Variants in GRAMD4 observed in about 807,000 individuals in gnomAD.
GRAMD4 encodes the protein GRAM domain-containing protein 4.
GRAMD4 carries 25 observed loss-of-function variants against 83.9 expected under a neutral mutation model. That is an observed-to-expected ratio of 0.30 (90% confidence interval 0.22 to 0.42). The LOEUF (loss-of-function observed/expected upper bound fraction) is 0.42, where lower values mean the gene tolerates loss of function less well. Among genes scored for constraint, GRAMD4 ranks in the 10% least tolerant of loss-of-function variants. The probability of loss-of-function intolerance (pLI) is 1.00; values close to 1 mark genes in which losing one functional copy is unlikely to be tolerated. For synonymous variants in GRAMD4, 336 were observed against 320.9 expected, an observed-to-expected ratio of 1.05 and a Z score of -0.50; for missense variants, 593 against 788.7, an observed-to-expected ratio of 0.75 and a Z score of 2.97.
At chr22:46,612,754 A>C (rs2081430348) in intron 1 of GRAMD4, among the ~76,000 whole-genome samples, 1 of 152,200 alleles carries the variant, frequency 6.6e-6, no homozygotes, top group Non-Finnish European at 1.5e-5. Flanking sequence ...ATGGGAGCAG[A>C]GGGTGTGGGC....
rs143970726 is a variant in GRAMD4 at position 46,664,128 on chromosome 22, C to A, written c.717+11C>A. ...GCCATTGCCTTCACCGTGAGTGGGT[C>A]CTCCAGGGGCCGAGCAGGGTGGGTG... On this transcript the variant is annotated intron_variant, in intron 8 of 18. Coordinates refer to ENST00000406902, the MANE Select transcript of GRAMD4 (RefSeq NM_015124.5). 421 of 1,585,744 alleles carry A rather than the reference C, an allele frequency of 2.7e-4. 3 individuals are homozygous for A. The East Asian group carries it at 5.3e-3, about 20-fold the overall frequency.
At chr22:46,660,352 G>A (rs563831778) in intron 4 of GRAMD4, among the ~76,000 whole-genome samples, 2 of 152,120 alleles carry the variant, frequency 1.3e-5, no homozygotes, top group Non-Finnish European at 2.9e-5. Flanking sequence ...AGGAGGAGGG[G>A]TGAAGGAAGA....
intron 3 of GRAMD4, among the ~76,000 whole-genome samples, chr22:46,654,128 G>T (rs936424495): frequency 6.8e-6 from 1 of 146,180 alleles, no homozygotes; most frequent in Non-Finnish European, 1.5e-5. Context: ...CGAAAGAGGG[G>T]CCAGGAGGCT....
rs998698483 is a variant in GRAMD4, at chr22:46,627,646, T to C, written c.162+685T>C. On this transcript the variant is annotated intron_variant, in intron 2 of 18. Coordinates refer to ENST00000406902, the MANE Select transcript of GRAMD4 (RefSeq NM_015124.5). Reference sequence around the variant, plus strand: ...GCATGGCCTCTAGCTCCTCCCCGCATGCACACACCAAATTTGGTGTCTGGC... The same window carrying C: ...GCATGGCCTCTAGCTCCTCCCCGCACGCACACACCAAATTTGGTGTCTGGC... Among the ~76,000 whole-genome samples, 3 of 152,218 alleles carry C rather than the reference T, an allele frequency of 2.0e-5. No homozygotes were observed. The South Asian group carries it at 6.2e-4, about 32-fold the overall frequency.
rs1293374687 is a variant in GRAMD4 at position 46,622,763 on chromosome 22, A to G, written c.-50+2198A>G. ...TCCGTCTCTACTAAAAATACAAAAA[A>G]TTAGCTGGTGTGGTGGCGGGTGCCT... On this transcript the variant is annotated intron_variant, in intron 1 of 18. Transcript: ENST00000406902. This position sits in a 1 kb window ranked among gnomAD's most constrained non-coding sequence, Gnocchi z 4.0. 6.6e-6 allele frequency among the ~76,000 whole-genome samples: 1 copy of G among 152,056 alleles called. No homozygotes were observed. The highest frequency in any genetic ancestry group is 2.4e-5 in the African/African-American group (1 of 41,392).
chr22:46,679,195 A>G lies in GRAMD4; in HGVS notation c.*1944A>G, dbSNP rs1601698468. On this transcript the variant is annotated 3_prime_UTR_variant, in exon 19 of 19. Transcript: ENST00000406902. ...GGATGGGTCCGGGGCCTCGGGGCCAATGAGCGCCTCTTCCTAGGTGCTGGG... is the reference window on the plus strand; with the variant it reads ...GGATGGGTCCGGGGCCTCGGGGCCAGTGAGCGCCTCTTCCTAGGTGCTGGG... 2 of 977,438 alleles carry G rather than the reference A, an allele frequency of 2.0e-6. No homozygotes were observed. Among genetic ancestry groups the G allele is most frequent in the Non-Finnish European group, 2.4e-6 (2 of 822,164 alleles). 60.5% of individuals were successfully genotyped at this position (977,438 alleles called of 1,614,324 possible).
intron 1 of GRAMD4, among the ~76,000 whole-genome samples, chr22:46,612,929 C>T (rs747539592): frequency 6.6e-6 from 1 of 152,238 alleles, no homozygotes; most frequent in Non-Finnish European, 1.5e-5. Context: ...CCCACAGCCC[C>T]TGCTCACCCA....
chr22:46,616,044 T>TC (rs2081484936), upstream of GRAMD4, among the ~76,000 whole-genome samples: 1 of 121,216 alleles, frequency 8.2e-6, no homozygotes, highest in Non-Finnish European at 1.7e-5. Flanking sequence ...ATGTGTAGGT[T>TC]CCCCTGTGCG....
intron 2 of GRAMD4, among the ~76,000 whole-genome samples, chr22:46,637,610 C>G (rs1215203665): frequency 6.6e-6 from 1 of 152,198 alleles, no homozygotes; most frequent in Non-Finnish European, 1.5e-5. Context: ...CTGAGATGTC[C>G]CTGCTCCCCA....
At chr22:46,682,187 C>T (rs1300122800), downstream of GRAMD4, among the ~76,000 whole-genome samples, 1 of 152,200 alleles carries the variant, frequency 6.6e-6, no homozygotes, top group Non-Finnish European at 1.5e-5. Context: ...AGAGGGGCAG[C>T]TGGGGTGGGG....
intron 13 of GRAMD4, 118 bp downstream of exon 13, chr22:46,669,026 T>G: frequency 1.6e-6 from 1 of 637,886 alleles, no homozygotes; most frequent in East Asian, 2.7e-5. Flanking sequence ...ATCCTTCCTC[T>G]GCTTTTTGTC....
intron 2 of GRAMD4, among the ~76,000 whole-genome samples, chr22:46,628,639 C>CT (rs1343333838): frequency 6.6e-6 from 1 of 151,406 alleles, no homozygotes; most frequent in African/African-American, 2.4e-5. Context: ...GCGTTGGTGT[C>CT]TGAGGGGCAG....
chr22:46,621,919 G>A lies in GRAMD4; in HGVS notation c.-50+1354G>A, dbSNP rs1295226027. Among the ~76,000 whole-genome samples, 2 of 152,204 alleles carry A rather than the reference G, an allele frequency of 1.3e-5. No homozygotes were observed. The highest frequency in any genetic ancestry group is 4.1e-4 in the South Asian group (2 of 4,836). The stretch of plus-strand genomic sequence containing the variant: ...ATGGACCCAGGGAGTTGGGTGAGGA[G>A]GGTGGTGGAGTCAGTGGGGCTGAGA... On this transcript the variant is annotated intron_variant, in intron 1 of 18. Transcript: ENST00000406902. The surrounding 1 kb of genome is among the most constrained non-coding windows in gnomAD (Gnocchi z 5.8).
chr22:46,674,829 T>A, intron 16 of GRAMD4, 79 bp downstream of exon 16: 1 of 1,027,632 alleles, frequency 9.7e-7, no homozygotes, highest in South Asian at 1.3e-5. Flanking sequence ...ATGGCGTGGC[T>A]GGCCCAGTGC....
At chr22:46,616,922 GCGTA>G (rs2081508733), upstream of GRAMD4, among the ~76,000 whole-genome samples, 1 of 32,018 alleles carries the variant, frequency 3.1e-5, no homozygotes, top group Non-Finnish European at 6.5e-5. Context: ...GTTCCCCTGT[GCGTA>G]TAGGTTCCCC....
Position 46,661,493 on chromosome 22 carries a change from G to C in GRAMD4, c.466+51G>C, listed in dbSNP as rs534088048. On this transcript the variant is annotated intron_variant, in intron 5 of 18. Transcript: ENST00000406902. ...GGCAGGCGGGCGGGTGGGTGGCTGC[G>C]CGTCACCTGCTGGTTCTGTAGGCCC... The C allele has an allele frequency of 9.0e-6, 11 of 1,227,354 alleles. No homozygotes were observed. In the African/African-American group the frequency reaches 1.3e-4, roughly 15 times the overall value. The allele number at this position is 1,227,354 out of a possible 1,614,324, so 76.0% of individuals were successfully genotyped here.
At chr22:46,607,875 C>T (rs2081380586) in intron 1 of GRAMD4, among the ~76,000 whole-genome samples, 1 of 152,206 alleles carries the variant, frequency 6.6e-6, no homozygotes, top group African/African-American at 2.4e-5. Context: ...GCGACCTGTC[C>T]TTCATGCCCT....
In GRAMD4 at chr22:46,664,045, C is replaced by T. The variant is rs753226657; in HGVS notation, c.645C>T (p.Val215=). 2 of 1,613,328 alleles carry T rather than the reference C, an allele frequency of 1.2e-6. No individual in the cohort carries two copies. Among genetic ancestry groups the T allele is most frequent in the Admixed American group, 3.3e-5 (2 of 60,008 alleles). Residue 215 remains valine, a synonymous_variant, in exon 8 of 19, where the codon GTC becomes GTT. Coordinates refer to ENST00000406902, the MANE Select transcript of GRAMD4 (RefSeq NM_015124.5). ...MRRLKRGAKP[V]TNFVKNLSAL... ...CCCCAGAGCGCGGTGCCAAGCCGGT[C>T]ACTAACTTTGTGAAGAACCTCTCTG...
At chr22:46,603,317 C>T (rs1319480231) in intron 1 of GRAMD4, among the ~76,000 whole-genome samples, 2 of 149,464 alleles carry the variant, frequency 1.3e-5, no homozygotes, top group African/African-American at 2.5e-5. Context: ...ACACCATTCT[C>T]CTGCCTCAGC....
Sources: allele counts gnomAD v4.1 joint callset (sites outside exome capture counted in the v4.1 genomes callset), GRCh38; gene constraint gnomAD v4.1.1; non-coding constraint Gnocchi (gnomAD v3.1); transcripts MANE v1.5; gene names NCBI Gene and HGNC (gene_info 2026-07-23, HGNC 2026-07-21).